The following CADPS variants were observed in gnomAD, a reference collection of about 807,000 sequenced individuals.
CADPS encodes calcium-dependent secretion activator 1.
A neutral mutation model predicts 167.3 loss-of-function variants in CADPS; 57 were observed. The observed-to-expected ratio is 0.34, with a 90% CI of 0.28 to 0.42. The LOEUF is 0.42. Among genes scored for constraint, CADPS ranks in the 20% least tolerant of loss-of-function variants. CADPS has a pLI of 1.00. For synonymous variants in CADPS, 676 were observed against 635.3 expected (o/e 1.06, Z -0.96); for missense variants, 1,414 against 1,738.1 (o/e 0.81, Z 3.32).
intron 3 of CADPS, among the ~76,000 whole-genome samples, chr3:62,677,553 A>G (rs2076517775): frequency 6.6e-6 from 1 of 152,066 alleles, no homozygotes; most frequent in Admixed American, 6.6e-5. Context: ...GTGCTGTTCA[A>G]CACCATACAA....
intron 8 of CADPS, among the ~76,000 whole-genome samples, chr3:62,575,225 A>G (rs1339879920): frequency 6.6e-6 from 1 of 152,246 alleles, no homozygotes; most frequent in Non-Finnish European, 1.5e-5. Context: ...AGTGTAATTC[A>G]TATTGAATCA....
chr3:62,510,940 A>C (rs1395602531), intron 17 of CADPS, among the ~76,000 whole-genome samples: 2 of 152,202 alleles, frequency 1.3e-5, no homozygotes, highest in African/African-American at 4.8e-5. Context: ...CACTATACCA[A>C]GCTTCAAACC....
At chr3:62,411,201 G>A (rs2048893196) in intron 28 of CADPS, among the ~76,000 whole-genome samples, 2 of 152,130 alleles carry the variant, frequency 1.3e-5, no homozygotes, top group African/African-American at 4.8e-5. Flanking sequence ...TAACTGTTTG[G>A]TAACCAATCG....
At chr3:62,826,978 A>ACTC in intron 1 of CADPS, among the ~76,000 whole-genome samples, 1 of 152,060 alleles carries the variant, frequency 6.6e-6, no homozygotes, top group Non-Finnish European at 1.5e-5. Context: ...TTAAAAATAC[A>ACTC]CCTAAGCTGC....
chr3:62,630,837 C>T (rs2065136258), intron 6 of CADPS, among the ~76,000 whole-genome samples: 1 of 152,056 alleles, frequency 6.6e-6, no homozygotes, highest in Admixed American at 6.6e-5. Flanking sequence ...TAACAAGGTG[C>T]TTGATGTAAA....
Position 62,704,865 on chromosome 3 carries a change from T to A in CADPS, c.889-42471A>T, listed in dbSNP as rs529245274. Among the ~76,000 whole-genome samples, 189 of 152,122 alleles carry A rather than the reference T, an allele frequency of 1.2e-3. 3 individuals are homozygous for A. Among genetic ancestry groups the A allele is most frequent in the African/African-American group, 3.7e-3 (153 of 41,472 alleles). On this transcript the variant is annotated intron_variant, in intron 3 of 29. Coordinates refer to ENST00000383710, the MANE Select transcript of CADPS (RefSeq NM_003716.4). ...ACAACTTTCCAAATCAATTAACGAATCACAGCATGGAAAGATCTCTTTCCC... is the reference window on the plus strand; with the variant it reads ...ACAACTTTCCAAATCAATTAACGAAACACAGCATGGAAAGATCTCTTTCCC...
chr3:62,552,671 T>C (rs2077502431), intron 10 of CADPS, among the ~76,000 whole-genome samples: 1 of 152,192 alleles, frequency 6.6e-6, no homozygotes, highest in South Asian at 2.1e-4. Context: ...ACTTCTTCAT[T>C]GTGCCGATGC....
intron 3 of CADPS, among the ~76,000 whole-genome samples, chr3:62,725,143 C>T (rs2076504374): frequency 6.6e-6 from 1 of 151,548 alleles, no homozygotes; most frequent in South Asian, 2.1e-4. Context: ...CAACTTCTCT[C>T]TCTTGCTTCC....
chr3:62,688,653 A>T (rs1250805600), intron 3 of CADPS, among the ~76,000 whole-genome samples: 3 of 152,092 alleles, frequency 2.0e-5, no homozygotes, highest in East Asian at 3.9e-4. Flanking sequence ...CCATCTTTAA[A>T]TACCTTCCTG....
chr3:62,631,699 C>A (rs1379901335), intron 6 of CADPS, among the ~76,000 whole-genome samples: 1 of 152,072 alleles, frequency 6.6e-6, no homozygotes, highest in Non-Finnish European at 1.5e-5. Flanking sequence ...TCAGTGAGAC[C>A]AGGCAGTGAC....
intron 6 of CADPS, among the ~76,000 whole-genome samples, chr3:62,633,409 A>G (rs1297331682): frequency 6.6e-6 from 1 of 152,116 alleles, no homozygotes; most frequent in African/African-American, 2.4e-5. Context: ...TTTGGGACAT[A>G]AAACCCAAGC....
At chr3:62,840,582 T>TA (rs1045471261) in intron 1 of CADPS, among the ~76,000 whole-genome samples, 25 of 152,240 alleles carry the variant, frequency 1.6e-4, no homozygotes, top group African/African-American at 5.5e-4. Flanking sequence ...TATGTATATA[T>TA]AAAAAAGTGT....
Position 62,516,199 on chromosome 3 carries a change from G to C in CADPS, c.2458-17C>G. The C allele has an allele frequency of 6.2e-7, 1 of 1,612,642 alleles. No homozygotes were observed. Among genetic ancestry groups the C allele is most frequent in the Non-Finnish European group, 8.5e-7 (1 of 1,179,120 alleles). The stretch of plus-strand genomic sequence containing the variant: ...CATCAAAACCTTCAAGTAGGAAAAA[G>C]AGGGATTATTAAGAAGGTTCAAGCA... On this transcript the variant is annotated splice_polypyrimidine_tract_variant and intron_variant, in intron 15 of 29. Transcript: ENST00000383710.
In CADPS at chr3:62,643,069, T is replaced by C. The variant is rs77781985; in HGVS notation, c.1325+2653A>G. Among the ~76,000 whole-genome samples, 55 of 152,192 alleles carry C rather than the reference T, an allele frequency of 3.6e-4. No homozygotes were observed. The East Asian group carries it at 0.01, about 29-fold the overall frequency. The stretch of plus-strand genomic sequence containing the variant: ...GTTAAAAAGAGTATTGAGTACAGAA[T>C]TGTGGATTTAGAAGGAAAATAAGTA... On this transcript the variant is annotated intron_variant, in intron 6 of 29. Transcript: ENST00000383710.
intron 22 of CADPS, among the ~76,000 whole-genome samples, chr3:62,480,885 A>G (rs978527934): frequency 6.6e-6 from 1 of 152,138 alleles, no homozygotes; most frequent in African/African-American, 2.4e-5. Context: ...CTTGCTAACT[A>G]AAAAAGGAGA....
At position 62,548,115 on chromosome 3, in the gene CADPS, A is replaced by T. The variant is rs1206924356; in HGVS notation, c.1966+1788T>A. On this transcript the variant is annotated intron_variant, in intron 11 of 29. Coordinates refer to ENST00000383710, the MANE Select transcript of CADPS (RefSeq NM_003716.4). ...ATTATAGTTAGAATTTTTTTCTGAT[A>T]CAGGGGGTAACTTCTTTTCAAGAGG... Among the ~76,000 whole-genome samples the T allele has an allele frequency of 2.6e-5, 4 of 152,272 alleles. No individual in the cohort carries two copies. In the East Asian group the frequency reaches 7.7e-4, roughly 29 times the overall value.
intron 28 of CADPS, among the ~76,000 whole-genome samples, chr3:62,406,691 G>A (rs1436240818): frequency 2.0e-5 from 3 of 152,038 alleles, no homozygotes; most frequent in Non-Finnish European, 4.4e-5. Flanking sequence ...AAGAAATAAA[G>A]CCCCCAACAG....
chr3:62,667,603 AACTC>A lies in CADPS; in HGVS notation c.889-5213_889-5210del, dbSNP rs568387537. Among the ~76,000 whole-genome samples, 51 of 152,140 alleles carry A rather than the reference AACTC, an allele frequency of 3.4e-4. No homozygotes were observed. In the South Asian group the frequency reaches 0.01, roughly 31 times the overall value. ...ATTCTGTGATCAAATAAAGTCTGGA[AACTC>A]ACTCTATCCCATTTCTGGAGACACA... On this transcript the variant is annotated intron_variant, in intron 3 of 29. Coordinates refer to ENST00000383710, the MANE Select transcript of CADPS (RefSeq NM_003716.4).
intron 6 of CADPS, among the ~76,000 whole-genome samples, chr3:62,596,248 T>G (rs1464311560): frequency 6.7e-6 from 1 of 149,532 alleles, no homozygotes; most frequent in African/African-American, 2.5e-5. Flanking sequence ...CAGGCTGGAG[T>G]GCAGTGGCAT....
Sources: allele counts gnomAD v4.1 joint callset (sites outside exome capture counted in the v4.1 genomes callset), GRCh38; gene constraint gnomAD v4.1.1; transcripts MANE v1.5; gene names NCBI Gene and HGNC (gene_info 2026-07-23, HGNC 2026-07-21).